Variants in CRACDL observed in about 807,000 individuals in gnomAD.
CRACDL encodes CRACD-like protein.
In CRACDL, 26 loss-of-function variants were observed where a neutral mutation model predicts 70.6. The ratio of observed to expected loss-of-function variants is 0.37; its 90% CI spans 0.27 to 0.51. CRACDL has a LOEUF of 0.51. CRACDL is among the 20% of genes least tolerant of loss of function. The pLI, the probability that CRACDL is intolerant of heterozygous loss-of-function variation, is 0.94. For synonymous variants in CRACDL, 618 were observed against 615.2 expected, an observed-to-expected ratio of 1.00 and a Z score of -0.07; for missense variants, 1,283 against 1,376.9, an observed-to-expected ratio of 0.93 and a Z score of 1.08.
At chr2:98,816,939 C>T (rs1019221765) in intron 7 of CRACDL, among the ~76,000 whole-genome samples, 10 of 152,150 alleles carry the variant, frequency 6.6e-5, no homozygotes, top group African/African-American at 2.2e-4. Flanking sequence ...AGCCAAGATG[C>T]GGAAACAGCC....
intron 1 of CRACDL, among the ~76,000 whole-genome samples, chr2:98,867,912 A>G (rs1346163636): frequency 1.3e-5 from 2 of 152,206 alleles, no homozygotes; most frequent in Non-Finnish European, 2.9e-5. Flanking sequence ...TACATTTATG[A>G]CTGACATTTC....
At chr2:98,835,332 A>G (rs1179617974) in intron 3 of CRACDL, among the ~76,000 whole-genome samples, 1 of 152,210 alleles carries the variant, frequency 6.6e-6, no homozygotes, top group African/African-American at 2.4e-5. Flanking sequence ...TTTAAAAGCC[A>G]TTTCACACCA....
rs1050949806 is a variant in CRACDL, at chr2:98,822,731, C to T, written c.1542G>A (p.Pro514=). The T allele has an allele frequency of 2.1e-5, 26 of 1,259,740 alleles. No individual in the cohort carries two copies. Among genetic ancestry groups the T allele is most frequent in the Non-Finnish European group, 2.6e-5 (26 of 1,006,376 alleles). 78.0% of individuals were successfully genotyped at this position (1,259,740 alleles called of 1,614,324 possible). A position where few individuals can be genotyped will look rare whatever the true frequency, so the allele number is the denominator to read the frequency against. ...AASEGPAASP[P]LAAAESPPVE... is the part of the protein sequence containing the mutation. ...CCGGGGGAGACTCCGCAGCGGCAAG[C>T]GGCGGGGACGCGGCGGGGCCCTCGC... Residue 514 remains proline (P), a synonymous_variant, in exon 7 of 10, where the codon CCG becomes CCA. Transcript: ENST00000397899. The surrounding 1 kb of genome is among the most constrained non-coding windows in gnomAD (Gnocchi z 4.9).
intron 1 of CRACDL, among the ~76,000 whole-genome samples, chr2:98,917,911 TG>T (rs2104687516): frequency 6.6e-6 from 1 of 152,374 alleles, no homozygotes; most frequent in African/African-American, 2.4e-5. Context: ...CTTAAGATAA[TG>T]GCCTCCAGTT....
chr2:98,803,485 C>G (rs1169723066), intron 7 of CRACDL, among the ~76,000 whole-genome samples: 1 of 152,166 alleles, frequency 6.6e-6, no homozygotes, highest in Non-Finnish European at 1.5e-5. Flanking sequence ...ACATTTCTTT[C>G]TTGTTCATAG....
chr2:98,910,347 C>A (rs1482400173), intron 1 of CRACDL, among the ~76,000 whole-genome samples: 1 of 151,948 alleles, frequency 6.6e-6, no homozygotes, highest in Non-Finnish European at 1.5e-5. Context: ...TGGTGAAACC[C>A]CGTCTCTACT....
At chr2:98,797,281 G>T (rs1703863827) in intron 8 of CRACDL, 69 bp downstream of exon 8, 1 of 1,468,340 alleles carries the variant, frequency 6.8e-7, no homozygotes, top group Non-Finnish European at 9.4e-7. Context: ...TCCTTACAGG[G>T]TCCTCGCCCC....
intron 1 of CRACDL, among the ~76,000 whole-genome samples, chr2:98,901,658 CAA>C (rs1340240112): frequency 2.8e-4 from 43 of 152,234 alleles, no homozygotes; most frequent in Admixed American, 3.3e-4. Flanking sequence ...TCCTGAATCA[CAA>C]AAGAGACAGT....
intron 1 of CRACDL, among the ~76,000 whole-genome samples, chr2:98,879,030 G>C (rs561092674): frequency 1.3e-5 from 2 of 152,040 alleles, no homozygotes; most frequent in Non-Finnish European, 2.9e-5. Context: ...CACCACCCTG[G>C]CCCTGAGAAA....
chr2:98,847,495 C>T (rs1706311782), intron 1 of CRACDL, among the ~76,000 whole-genome samples: 1 of 152,198 alleles, frequency 6.6e-6, no homozygotes, highest in African/African-American at 2.4e-5. Context: ...TTTACCCCCA[C>T]ACCCCATCCC....
At chr2:98,905,249 CAAAAA>C (rs749724315) in intron 1 of CRACDL, among the ~76,000 whole-genome samples, 6 of 61,770 alleles carry the variant, frequency 9.7e-5, no homozygotes, top group African/African-American at 1.9e-4. Context: ...GACTCTGTCT[CAAAAA>C]AAAAAAAAAA....
At chr2:98,801,901 G>C (rs1327196020) in intron 7 of CRACDL, among the ~76,000 whole-genome samples, 2 of 152,158 alleles carry the variant, frequency 1.3e-5, no homozygotes, top group Non-Finnish European at 2.9e-5. Flanking sequence ...CTGGAGGAGG[G>C]GTGGAGAATT....
At chr2:98,818,771 T>TCA (rs1174368691) in intron 7 of CRACDL, among the ~76,000 whole-genome samples, 1 of 152,208 alleles carries the variant, frequency 6.6e-6, no homozygotes, top group Non-Finnish European at 1.5e-5. Flanking sequence ...GCTTCACTGC[T>TCA]GGGGTCTGAC....
At chr2:98,841,148 G>C (rs943454645) in intron 2 of CRACDL, among the ~76,000 whole-genome samples, 1 of 152,104 alleles carries the variant, frequency 6.6e-6, no homozygotes, top group African/African-American at 2.4e-5. Flanking sequence ...ATAGGCTTCT[G>C]TATCCTATTA....
chr2:98,826,290 G>A lies in CRACDL; in HGVS notation c.735+685C>T, dbSNP rs145004495. On this transcript the variant is annotated intron_variant, in intron 6 of 9. Transcript: ENST00000397899. Reference sequence around the variant, plus strand: ...GCCCTCATCCAAGACAGTTGTCCACGCTAGTGTTTCAGCTTCTTTCATTCA... The same window carrying A: ...GCCCTCATCCAAGACAGTTGTCCACACTAGTGTTTCAGCTTCTTTCATTCA... 6.1e-3 allele frequency among the ~76,000 whole-genome samples: 931 copies of A among 152,262 alleles called. 5 individuals carry two copies. Among genetic ancestry groups the A allele is most frequent in the Middle Eastern group, 0.017 (5 of 294 alleles).
chr2:98,907,724 G>A (rs560440031), intron 1 of CRACDL, among the ~76,000 whole-genome samples: 2 of 152,290 alleles, frequency 1.3e-5, no homozygotes, highest in East Asian at 3.9e-4. Flanking sequence ...TTCCATTCTC[G>A]AAAACAGTTC....
rs1343739023 is a variant in CRACDL, at chr2:98,822,623, C to T, written c.1650G>A (p.Ala550=). Residue 550 remains alanine, a synonymous_variant, in exon 7 of 10, where the codon GCG becomes GCA. Coordinates refer to ENST00000397899, the MANE Select transcript of CRACDL (RefSeq NM_207362.3). The surrounding 1 kb of genome is among the most constrained non-coding windows in gnomAD (Gnocchi z 4.9). ...PKAERAEAPP[A]GAERAAPERK... ...GCTCTGGCGCCGCCCTCTCGGCGCC[C>T]GCCGGTGGCGCCTCGGCTCGCTCGG... 5.8e-6 allele frequency: 8 copies of T among 1,370,088 alleles called. No homozygotes were observed. In the African/African-American group the frequency reaches 1.1e-4, roughly 18 times the overall value. 84.9% of individuals were successfully genotyped at this position (1,370,088 alleles called of 1,614,324 possible). A position where few individuals can be genotyped will look rare whatever the true frequency, so the allele number is the denominator to read the frequency against.
At chr2:98,809,401 G>A (rs1704459785) in intron 7 of CRACDL, among the ~76,000 whole-genome samples, 1 of 152,038 alleles carries the variant, frequency 6.6e-6, no homozygotes, top group African/African-American at 2.4e-5. Flanking sequence ...GAGCACAAGT[G>A]GGTCATGTGG....
intron 1 of CRACDL, among the ~76,000 whole-genome samples, chr2:98,889,983 C>G (rs1057180400): frequency 2.6e-5 from 4 of 151,976 alleles, no homozygotes; most frequent in Non-Finnish European, 5.9e-5. Flanking sequence ...CACCACATAC[C>G]AATATTTATG....
Sources: allele counts gnomAD v4.1 joint callset (sites outside exome capture counted in the v4.1 genomes callset), GRCh38; gene constraint gnomAD v4.1.1; non-coding constraint Gnocchi (gnomAD v3.1); transcripts MANE v1.5; gene names NCBI Gene and HGNC (gene_info 2026-07-23, HGNC 2026-07-21).